FHIT: variants seen among roughly 807,000 people sequenced by gnomAD.
FHIT encodes the protein fragile histidine triad diadenosine triphosphatase, also known as bis(5'-adenosyl)-triphosphatase.
Under a neutral mutation model 17.9 loss-of-function variants are expected in FHIT, and 19 were observed. The ratio of observed to expected loss-of-function variants is 1.06; its 90% CI spans 0.74 to 1.56. The LOEUF is 1.56. FHIT is among the 40% of genes most tolerant of loss of function. The pLI, the probability that FHIT is intolerant of heterozygous loss-of-function variation, is 0.00. For missense variants in FHIT, 248 were observed against 189.2 expected (o/e 1.31, Z -1.82); for synonymous variants, 81 against 69.7 (o/e 1.16, Z -0.81).
At chr3:60,306,892 T>C (rs1427421515) in intron 5 of FHIT, among the ~76,000 whole-genome samples, 1 of 152,102 alleles carries the variant, frequency 6.6e-6, no homozygotes, top group Non-Finnish European at 1.5e-5. Context: ...TCATGGAGGA[T>C]TGATCGTGAG....
At chr3:60,709,647 C>T (rs1203530109) in intron 4 of FHIT, among the ~76,000 whole-genome samples, 1 of 152,164 alleles carries the variant, frequency 6.6e-6, no homozygotes, top group African/African-American at 2.4e-5. Flanking sequence ...CAAATGTTGA[C>T]ACCTTTCATT....
In FHIT at chr3:60,186,116, C is replaced by A. The variant is rs568749516; in HGVS notation, c.104-171964G>T. Among the ~76,000 whole-genome samples the A allele has an allele frequency of 1.2e-4, 19 of 152,012 alleles. No homozygotes were observed. In the East Asian group the frequency reaches 3.3e-3, roughly 26 times the overall value. On this transcript the variant is annotated intron_variant, in intron 5 of 9. Coordinates refer to ENST00000492590, the MANE Select transcript of FHIT (RefSeq NM_002012.4). ...GGCTTGGCTTTTTTCTTCATAGTGT[C>A]TTTTGCATAGCTTAAGTTTTCATTT...
chr3:60,584,407 C>T (rs1276594332), intron 4 of FHIT, among the ~76,000 whole-genome samples: 20 of 151,892 alleles, frequency 1.3e-4, no homozygotes, highest in Non-Finnish European at 5.9e-5. Context: ...ACATACAACC[C>T]TTGTGAGCTG....
At chr3:60,226,053 C>G (rs1034754162) in intron 5 of FHIT, among the ~76,000 whole-genome samples, 2 of 152,112 alleles carry the variant, frequency 1.3e-5, no homozygotes, top group Non-Finnish European at 2.9e-5. Context: ...GGGACAGCCC[C>G]ACAGGGAGAG....
At chr3:60,164,011 C>G (rs1437568890) in intron 5 of FHIT, among the ~76,000 whole-genome samples, 1 of 152,128 alleles carries the variant, frequency 6.6e-6, no homozygotes, top group African/African-American at 2.4e-5. Flanking sequence ...CCTCAAATGT[C>G]CAGTGTTCAG....
In FHIT at chr3:60,342,380, T is replaced by C. The variant is rs571539628; in HGVS notation, c.103+194480A>G. Among the ~76,000 whole-genome samples the C allele has an allele frequency of 2.9e-4, 44 of 152,334 alleles. No individual in the cohort carries two copies. In the South Asian group the frequency reaches 7.7e-3, roughly 27 times the overall value. ...AGATATAACACAGGGTCTGAGATTC[T>C]CATCCTAGGTTTATGAATGTTTTGT... On this transcript the variant is annotated intron_variant, in intron 5 of 9. Coordinates refer to ENST00000492590, the MANE Select transcript of FHIT (RefSeq NM_002012.4).
chr3:59,958,864 T>C (rs1285438474), intron 7 of FHIT, among the ~76,000 whole-genome samples: 5 of 148,584 alleles, frequency 3.4e-5, no homozygotes, highest in African/African-American at 5.0e-5. Flanking sequence ...TCTCCTCTTA[T>C]ATAAAGTGGT....
rs139024233 is a variant in FHIT at position 60,784,694 on chromosome 3, A to C, written c.-18+37225T>G. ...CATCTCTTAAAGCCTAGGGGAGGTT[A>C]TGGACTGAATGTTTGTGTCCCTCAC... is the stretch of plus-strand genomic sequence containing the variant. On this transcript the variant is annotated intron_variant, in intron 4 of 9. Coordinates refer to ENST00000492590, the MANE Select transcript of FHIT (RefSeq NM_002012.4). Among the ~76,000 whole-genome samples the C allele has an allele frequency of 6.5e-3, 995 of 152,258 alleles. 15 individuals are homozygous for C. The highest frequency in any genetic ancestry group is 0.022 in the African/African-American group (929 of 41,544).
At chr3:59,855,023 C>A (rs1460037201) in intron 8 of FHIT, among the ~76,000 whole-genome samples, 1 of 152,186 alleles carries the variant, frequency 6.6e-6, no homozygotes, top group Non-Finnish European at 1.5e-5. Flanking sequence ...ATCCAGTGAT[C>A]ACAATTGTGG....
chr3:61,049,202 GAATGAATGCCTAATAACTTCTAGTTGGT>G (rs1160470575), intron 2 of FHIT, among the ~76,000 whole-genome samples: 2 of 150,912 alleles, frequency 1.3e-5, no homozygotes, highest in African/African-American at 2.4e-5. Context: ...AGACGTTAAT[GAATGAATGCCTAATAACTTCTAGTTGGT>G]AACCAATGTT....
At chr3:59,814,492 T>C (rs959859692) in intron 8 of FHIT, among the ~76,000 whole-genome samples, 1 of 152,246 alleles carries the variant, frequency 6.6e-6, no homozygotes, top group African/African-American at 2.4e-5. Context: ...TAAATGTCTA[T>C]ATTTAAGAAG....
intron 8 of FHIT, among the ~76,000 whole-genome samples, chr3:59,859,229 G>T (rs1406386376): frequency 6.6e-6 from 1 of 152,190 alleles, no homozygotes; most frequent in Non-Finnish European, 1.5e-5. Context: ...GGTCAGTGTG[G>T]TTGCCTTCTG....
At chr3:60,579,032 T>G (rs919846234) in intron 4 of FHIT, among the ~76,000 whole-genome samples, 1 of 152,194 alleles carries the variant, frequency 6.6e-6, no homozygotes, top group Non-Finnish European at 1.5e-5. Context: ...TTGGTTCTGG[T>G]TTCCATGCAC....
chr3:60,433,287 C>T (rs539896486), intron 5 of FHIT, among the ~76,000 whole-genome samples: 1 of 152,020 alleles, frequency 6.6e-6, no homozygotes, highest in African/African-American at 2.4e-5. Flanking sequence ...GTGTACTATA[C>T]ATGTATATCA....
At chr3:59,767,465 C>T (rs1701860161) in intron 8 of FHIT, among the ~76,000 whole-genome samples, 1 of 152,150 alleles carries the variant, frequency 6.6e-6, no homozygotes, top group African/African-American at 2.4e-5. Flanking sequence ...TATCATTGCA[C>T]TCTAGCCTGG....
At chr3:59,900,011 CA>C (rs1462547893) in intron 8 of FHIT, among the ~76,000 whole-genome samples, 1 of 152,204 alleles carries the variant, frequency 6.6e-6, no homozygotes, top group Non-Finnish European at 1.5e-5. Context: ...ACTTTACTTA[CA>C]AAACTAGGCC....
chr3:60,760,067 A>T lies in FHIT; in HGVS notation c.-18+61852T>A, dbSNP rs144521498. ...TCTTTATCTCTTTCTCTTTCTTTCCATTTCTCTCTTTCCTTCCTTTGTTCT... is the reference window on the plus strand; with the variant it reads ...TCTTTATCTCTTTCTCTTTCTTTCCTTTTCTCTCTTTCCTTCCTTTGTTCT... On this transcript the variant is annotated intron_variant, in intron 4 of 9. Coordinates refer to ENST00000492590, the MANE Select transcript of FHIT (RefSeq NM_002012.4). 7.2e-4 allele frequency among the ~76,000 whole-genome samples: 94 copies of T among 131,232 alleles called. 1 individual carries two copies. The highest frequency in any genetic ancestry group is 1.2e-3 in the Non-Finnish European group (74 of 60,964). The allele number at this position is 131,232 out of a possible 152,430, so 86.1% of individuals were successfully genotyped here.
intron 5 of FHIT, among the ~76,000 whole-genome samples, chr3:60,064,910 G>T (rs917658148): frequency 6.6e-6 from 1 of 152,168 alleles, no homozygotes; most frequent in Non-Finnish European, 1.5e-5. Context: ...CATTGCATAT[G>T]AAGAAATTGA....
At chr3:60,765,433 AT>A (rs1699817146) in intron 4 of FHIT, 2 of 152,194 alleles carry the variant, frequency 1.3e-5, no homozygotes, top group South Asian at 4.1e-4. Context: ...ATCAAAAATG[AT>A]TAGGGGCCCA....
Sources: gnomAD v4.1 joint callset for allele counts (sites outside exome capture counted in the v4.1 genomes callset) on GRCh38, gnomAD v4.1.1 for gene constraint, MANE v1.5 for transcripts, NCBI Gene and HGNC (gene_info 2026-07-23, HGNC 2026-07-21) for gene names.